METTL15: variants seen among roughly 807,000 people sequenced by gnomAD.
METTL15 encodes 12S rRNA N(4)-cytidine methyltransferase METTL15.
In METTL15, 34 loss-of-function variants were observed where a neutral mutation model predicts 38.3. The observed-to-expected ratio is 0.89, with a 90% CI of 0.68 to 1.18. The LOEUF (loss-of-function observed/expected upper bound fraction) is 1.18, where lower values mean the gene tolerates loss of function less well. Among genes scored for constraint, METTL15 ranks in the 50% most tolerant of loss-of-function variants. The pLI, the probability that METTL15 is intolerant of heterozygous loss-of-function variation, is 0.00. For missense variants in METTL15, 438 were observed against 498.4 expected (o/e 0.88, Z 1.15); for synonymous variants, 162 against 170.9 (o/e 0.95, Z 0.41).
intron 4 of METTL15, among the ~76,000 whole-genome samples, chr11:28,244,800 G>A (rs923699670): frequency 1.3e-5 from 2 of 152,308 alleles, no homozygotes; most frequent in Admixed American, 6.5e-5. Context: ...TCTGGGCTGG[G>A]GGTACTAGAG....
chr11:28,365,828 G>C (rs1850180000), intron 5 of METTL15, among the ~76,000 whole-genome samples: 1 of 152,138 alleles, frequency 6.6e-6, no homozygotes, highest in Non-Finnish European at 1.5e-5. Flanking sequence ...GAGGCGGGCA[G>C]ATCATGAGGC....
chr11:28,335,347 A>G (rs1849891969), downstream of METTL15, among the ~76,000 whole-genome samples: 5 of 152,316 alleles, frequency 3.3e-5, 1 homozygote, highest in South Asian at 1.0e-3. Flanking sequence ...ATCTACATGT[A>G]ATAACTGAAT....
intron 4 of METTL15, among the ~76,000 whole-genome samples, chr11:28,269,925 G>T: frequency 6.6e-6 from 1 of 152,282 alleles, no homozygotes; most frequent in Middle Eastern, 3.4e-3. Context: ...AAATATTTTA[G>T]ATTTTTATTT....
intron 6 of METTL15, among the ~76,000 whole-genome samples, chr11:28,304,580 G>A (rs187069748): frequency 5.3e-5 from 8 of 152,210 alleles, no homozygotes; most frequent in South Asian, 2.1e-4. Flanking sequence ...GCCGGGTGTG[G>A]TGGTGCATTC....
chr11:28,325,471 G>C (rs961920096), intron 6 of METTL15, among the ~76,000 whole-genome samples: 1 of 152,162 alleles, frequency 6.6e-6, no homozygotes, highest in Admixed American at 6.5e-5. Context: ...ATACAGGCTT[G>C]GCACACAGGC....
chr11:28,177,088 C>T (rs919071694), intron 3 of METTL15, among the ~76,000 whole-genome samples: 3 of 151,922 alleles, frequency 2.0e-5, no homozygotes, highest in African/African-American at 7.2e-5. Context: ...GTAGTAATTT[C>T]TTGGTCTTCC....
At chr11:28,376,377 A>G (rs1434738549) in intron 5 of METTL15, among the ~76,000 whole-genome samples, 1 of 152,054 alleles carries the variant, frequency 6.6e-6, no homozygotes, top group African/African-American at 2.4e-5. Flanking sequence ...TATTTAGGAT[A>G]GTTAGCTCTT....
At chr11:28,267,570 A>G (rs1855476068) in intron 4 of METTL15, among the ~76,000 whole-genome samples, 1 of 152,222 alleles carries the variant, frequency 6.6e-6, no homozygotes, top group African/African-American at 2.4e-5. Context: ...TCCCATTAGA[A>G]TATCAGCTCC....
At chr11:28,232,757 G>C (rs570447072) in intron 4 of METTL15, among the ~76,000 whole-genome samples, 1 of 151,992 alleles carries the variant, frequency 6.6e-6, no homozygotes, top group South Asian at 2.1e-4. Context: ...TTTAGTGGGC[G>C]TGAAAGGGTT....
At chr11:28,314,575 C>G (rs1025419662) in intron 6 of METTL15, among the ~76,000 whole-genome samples, 2 of 152,170 alleles carry the variant, frequency 1.3e-5, no homozygotes, top group African/African-American at 2.4e-5. Flanking sequence ...CTCAATCACT[C>G]GTGAAATATC....
chr11:28,460,768 C>T (rs1225770432), intron 6 of METTL15, among the ~76,000 whole-genome samples: 1 of 151,900 alleles, frequency 6.6e-6, no homozygotes, highest in African/African-American at 2.4e-5. Flanking sequence ...AAAGAATAAA[C>T]AAGGGTAGAG....
chr11:28,443,084 G>A (rs976983719), intron 6 of METTL15, among the ~76,000 whole-genome samples: 6 of 152,148 alleles, frequency 3.9e-5, no homozygotes, highest in African/African-American at 1.4e-4. Flanking sequence ...CCATCACCCT[G>A]ACATCACTTT....
intron 4 of METTL15, among the ~76,000 whole-genome samples, chr11:28,242,230 A>G (rs1854331177): frequency 6.6e-6 from 1 of 152,216 alleles, no homozygotes; most frequent in South Asian, 2.1e-4. Context: ...GTATTCATTC[A>G]TGTTAAAATT....
At chr11:28,484,325 C>T (rs1331666614) in intron 6 of METTL15, among the ~76,000 whole-genome samples, 3 of 152,120 alleles carry the variant, frequency 2.0e-5, no homozygotes, top group Non-Finnish European at 2.9e-5. Context: ...GGAATATGGA[C>T]GTAGGCAGTC....
Position 28,299,977 on chromosome 11 carries a change from A to G in METTL15, c.778+3046A>G, listed in dbSNP as rs1188345733. ...TTTGTGCCCAGATTTCCCTCTTCTTATAAGGACACCAGTCATGTTGGATTT... is the reference window on the plus strand; with the variant it reads ...TTTGTGCCCAGATTTCCCTCTTCTTGTAAGGACACCAGTCATGTTGGATTT... On this transcript the variant is annotated intron_variant, in intron 6 of 6. Coordinates refer to ENST00000407364, the MANE Select transcript of METTL15 (RefSeq NM_001113528.2). Among the ~76,000 whole-genome samples the G allele has an allele frequency of 9.9e-5, 15 of 152,140 alleles. No homozygotes were observed. The East Asian group carries it at 2.9e-3, about 29-fold the overall frequency.
chr11:28,195,929 A>G (rs973656167), intron 3 of METTL15, among the ~76,000 whole-genome samples: 3 of 151,968 alleles, frequency 2.0e-5, no homozygotes, highest in Admixed American at 6.6e-5. Flanking sequence ...TGGCTTTCCA[A>G]TTTTCATACC....
At chr11:28,169,545 G>A (rs1392192422) in intron 3 of METTL15, among the ~76,000 whole-genome samples, 1 of 152,102 alleles carries the variant, frequency 6.6e-6, no homozygotes, top group East Asian at 1.9e-4. Context: ...GGAATCACAG[G>A]AGGTGATTTC....
intron 3 of METTL15, among the ~76,000 whole-genome samples, chr11:28,124,309 A>C (rs927785301): frequency 6.6e-6 from 1 of 152,098 alleles, no homozygotes; most frequent in Non-Finnish European, 1.5e-5. Flanking sequence ...TTACTAGAGA[A>C]TAGATCACTA....
intron 6 of METTL15, among the ~76,000 whole-genome samples, chr11:28,480,070 G>A (rs889668092): frequency 8.5e-5 from 13 of 152,178 alleles, no homozygotes; most frequent in African/African-American, 3.1e-4. Context: ...ATTTGTCAGT[G>A]TTGTATGTAG....
Sources: gnomAD v4.1 joint callset for allele counts (sites outside exome capture counted in the v4.1 genomes callset) on GRCh38, gnomAD v4.1.1 for gene constraint, MANE v1.5 for transcripts, NCBI Gene and HGNC (gene_info 2026-07-23, HGNC 2026-07-21) for gene names.